ATP2B2: variants seen among roughly 807,000 people sequenced by gnomAD.
ATP2B2 encodes the protein ATPase plasma membrane Ca2+ transporting 2, also known as plasma membrane calcium-transporting ATPase 2.
ATP2B2 carries 15 observed loss-of-function variants against 120.0 expected under a neutral mutation model. That is an observed-to-expected ratio of 0.12 (90% CI 0.08 to 0.19). ATP2B2 has a LOEUF of 0.19. Among genes scored for constraint, ATP2B2 ranks in the 10% least tolerant of loss-of-function variants. The pLI, the probability that ATP2B2 is intolerant of heterozygous loss-of-function variation, is 1.00. For synonymous variants in ATP2B2, 694 were observed against 700.3 expected, an observed-to-expected ratio of 0.99 and a Z score of 0.14; for missense variants, 1,045 against 1,719.8, an observed-to-expected ratio of 0.61 and a Z score of 6.94.
At chr3:10,664,994 C>T (rs1420421335) in intron 1 of ATP2B2, among the ~76,000 whole-genome samples, 3 of 152,164 alleles carry the variant, frequency 2.0e-5, no homozygotes, top group East Asian at 3.9e-4. Flanking sequence ...GTTCCTGCCA[C>T]TGCTGTCTCC....
At chr3:10,705,518 C>T (rs1332642443) in intron 1 of ATP2B2, among the ~76,000 whole-genome samples, 1 of 152,222 alleles carries the variant, frequency 6.6e-6, no homozygotes, top group African/African-American at 2.4e-5. Context: ...ACATCTATTA[C>T]ATCGTTTGTG....
chr3:10,667,534 C>T (rs187837596), intron 1 of ATP2B2, among the ~76,000 whole-genome samples: 1 of 152,354 alleles, frequency 6.6e-6, no homozygotes, highest in African/African-American at 2.4e-5. Context: ...GGAAGTCCCA[C>T]TGAAGTGCCA....
intron 2 of ATP2B2, among the ~76,000 whole-genome samples, chr3:10,617,364 A>G (rs1480670060): frequency 6.6e-6 from 1 of 152,252 alleles, no homozygotes; most frequent in Non-Finnish European, 1.5e-5. Context: ...ATAAAATAAA[A>G]AGAAACAAAC....
chr3:10,590,112 A>G (rs1418375733), intron 2 of ATP2B2, among the ~76,000 whole-genome samples: 2 of 152,246 alleles, frequency 1.3e-5, no homozygotes, highest in Non-Finnish European at 2.9e-5. Flanking sequence ...GCAAGGGACT[A>G]TGATACATGC....
intron 1 of ATP2B2, among the ~76,000 whole-genome samples, chr3:10,695,182 T>C (rs573621614): frequency 6.9e-6 from 1 of 145,374 alleles, no homozygotes; most frequent in South Asian, 2.2e-4. Context: ...AGCCTCACAA[T>C]CATGGTGGAA....
intron 1 of ATP2B2, among the ~76,000 whole-genome samples, chr3:10,472,764 G>T (rs1343119055): frequency 6.6e-6 from 1 of 152,210 alleles, no homozygotes; most frequent in Non-Finnish European, 1.5e-5. Context: ...GGTTGGTTCA[G>T]GTTCCCCGGG....
intron 22 of ATP2B2, among the ~76,000 whole-genome samples, chr3:10,334,127 G>C (rs2060053453): frequency 6.6e-6 from 1 of 152,248 alleles, no homozygotes; most frequent in Non-Finnish European, 1.5e-5. Context: ...ATGAGGGGCT[G>C]ACTCGGGGAC....
chr3:10,574,646 G>C (rs1434976850), intron 2 of ATP2B2, among the ~76,000 whole-genome samples: 2 of 152,058 alleles, frequency 1.3e-5, no homozygotes, highest in Non-Finnish European at 2.9e-5. Flanking sequence ...TATACACAAA[G>C]TCACTTGTAA....
At chr3:10,379,161 G>T in intron 9 of ATP2B2, 82 bp downstream of exon 9, 3 of 1,497,766 alleles carry the variant, frequency 2.0e-6, no homozygotes, top group Admixed American at 1.8e-5. Context: ...GCCCTTGCCA[G>T]TCTCTGTCTC....
chr3:10,371,763 C>T (rs746001671), intron 12 of ATP2B2, 46 bp downstream of exon 12: 1 of 1,613,812 alleles, frequency 6.2e-7, no homozygotes, highest in Non-Finnish European at 8.5e-7. Context: ...CTGTACCATC[C>T]CATGGATGTT....
chr3:10,652,231 C>A (rs1231178009), intron 1 of ATP2B2, among the ~76,000 whole-genome samples: 1 of 152,076 alleles, frequency 6.6e-6, no homozygotes, highest in African/African-American at 2.4e-5. Context: ...AGAGGGAGTC[C>A]CTGAGCCCCA....
At position 10,410,710 on chromosome 3, in the gene ATP2B2, G is replaced by A. The variant is rs2062582481; in HGVS notation, c.305C>T (p.Ala102Val). The A allele has an allele frequency of 1.2e-6, 2 of 1,614,194 alleles. No individual in the cohort carries two copies. The highest frequency in any genetic ancestry group is 1.7e-6 in the Non-Finnish European group (2 of 1,180,032). ...PKTFLQLVWEALQDVTLIILE... is the reference protein window; with the variant it reads ...PKTFLQLVWEVLQDVTLIILE... ...GATGATGAGCGTCACGTCCTGCAGCGCCTCCCACACGAGCTGCAGGAAGGT... is the reference window on the plus strand; with the variant it reads ...GATGATGAGCGTCACGTCCTGCAGCACCTCCCACACGAGCTGCAGGAAGGT... The change falls in exon 3 of 23, where the codon GCG (alanine) becomes GTG (valine). Residue 102 changes from alanine to valine, a missense_variant. Transcript: ENST00000360273.
At chr3:10,341,653 G>A (rs2060281603) in intron 19 of ATP2B2, among the ~76,000 whole-genome samples, 1 of 152,120 alleles carries the variant, frequency 6.6e-6, no homozygotes, top group Admixed American at 6.5e-5. Context: ...GTGGTGCCAG[G>A]AGGCTTGTGG....
intron 1 of ATP2B2, among the ~76,000 whole-genome samples, chr3:10,657,520 C>T (rs577332414): frequency 6.6e-6 from 1 of 152,232 alleles, no homozygotes; most frequent in Non-Finnish European, 1.5e-5. Context: ...AGTCAGAGAT[C>T]AAACTGCCAG....
At chr3:10,534,605 G>T (rs1355507456) in intron 2 of ATP2B2, among the ~76,000 whole-genome samples, 2 of 152,198 alleles carry the variant, frequency 1.3e-5, no homozygotes, top group Non-Finnish European at 2.9e-5. Context: ...GGCCTGTGAG[G>T]GCAGAGGGGG....
chr3:10,632,210 TA>T (rs1161193552), intron 1 of ATP2B2, among the ~76,000 whole-genome samples: 1 of 151,268 alleles, frequency 6.6e-6, no homozygotes, highest in African/African-American at 2.4e-5. Context: ...TGTACTTTCT[TA>T]AAAAATGGGA....
intron 1 of ATP2B2, among the ~76,000 whole-genome samples, chr3:10,454,482 T>C (rs1247163210): frequency 6.6e-6 from 1 of 152,252 alleles, no homozygotes; most frequent in Non-Finnish European, 1.5e-5. Flanking sequence ...AACTCCACCC[T>C]GAAGGCGACT....
intron 2 of ATP2B2, among the ~76,000 whole-genome samples, chr3:10,559,566 C>G (rs1351481257): frequency 6.6e-6 from 1 of 152,078 alleles, no homozygotes; most frequent in African/African-American, 2.4e-5. Flanking sequence ...ACAGGGAAGT[C>G]TTTAGGCCTA....
At chr3:10,339,399 C>T (rs1429446008) in intron 21 of ATP2B2, among the ~76,000 whole-genome samples, 1 of 152,218 alleles carries the variant, frequency 6.6e-6, no homozygotes, top group African/African-American at 2.4e-5. Flanking sequence ...GCCTCCCACC[C>T]ATGGGGTCCC....
Sources: gnomAD v4.1 joint callset for allele counts (sites outside exome capture counted in the v4.1 genomes callset) on GRCh38, gnomAD v4.1.1 for gene constraint, MANE v1.5 for transcripts, NCBI Gene and HGNC (gene_info 2026-07-23, HGNC 2026-07-21) for gene names.